CENPP: variants seen among roughly 807,000 people sequenced by gnomAD.
CENPP encodes the protein centromere protein P.
CENPP carries 24 observed loss-of-function variants against 35.6 expected under a neutral mutation model. That is an observed-to-expected ratio of 0.67 (90% CI 0.49 to 0.95). CENPP has a LOEUF of 0.95. Among genes scored for constraint, CENPP ranks in the 40% least tolerant of loss-of-function variants. The probability of loss-of-function intolerance (pLI) is 0.00; values close to 1 mark genes in which losing one functional copy is unlikely to be tolerated. For synonymous variants in CENPP, 120 were observed against 125.5 expected (o/e 0.96, Z 0.29); for missense variants, 332 against 345.3 (o/e 0.96, Z 0.31).
chr9:92,509,348 C>T (rs1847199196), intron 5 of CENPP, among the ~76,000 whole-genome samples: 1 of 152,202 alleles, frequency 6.6e-6, no homozygotes, highest in African/African-American at 2.4e-5. Flanking sequence ...ATCTCAGCCG[C>T]ATATGCAGTG....
chr9:92,452,996 CTT>C (rs1370852456), intron 5 of CENPP, among the ~76,000 whole-genome samples: 1 of 152,062 alleles, frequency 6.6e-6, no homozygotes, highest in Admixed American at 6.5e-5. Context: ...CTCTTTTCTT[CTT>C]TATTAGTCTT....
chr9:92,457,125 A>G (rs1844904124), intron 5 of CENPP: 1 of 1,407,542 alleles, frequency 7.1e-7, no homozygotes, highest in Non-Finnish European at 9.2e-7. Flanking sequence ...GTTTGGCAAA[A>G]TTCCGTTGAA....
At chr9:92,567,373 G>GATATATATATATATATATAGATAT (rs1554688240) in intron 5 of CENPP, among the ~76,000 whole-genome samples, 2 of 129,088 alleles carry the variant, frequency 1.5e-5, no homozygotes, top group South Asian at 5.5e-4. Flanking sequence ...ACATAAGATA[G>GATATATATATATATATATAGATAT]ATATATATAT....
At chr9:92,598,640 T>A (rs7870111) in intron 5 of CENPP, among the ~76,000 whole-genome samples, 5,514 of 152,176 alleles carry the variant, frequency 0.036, 141 homozygotes, top group Middle Eastern at 0.075. Context: ...CGGAACACAC[T>A]GTTTCCTGTC....
intron 5 of CENPP, among the ~76,000 whole-genome samples, chr9:92,596,555 A>G (rs1309794155): frequency 1.3e-5 from 2 of 151,998 alleles, no homozygotes; most frequent in Non-Finnish European, 2.9e-5. Context: ...AACGAGAGAA[A>G]GCCTTGAGGA....
Position 92,618,669 on chromosome 9 carries a change from A to C in CENPP, c.*5520A>C. 1 of 419,496 alleles carries C rather than the reference A, an allele frequency of 2.4e-6. No homozygotes were observed. Among genetic ancestry groups the C allele is most frequent in the Non-Finnish European group, 4.8e-6 (1 of 207,318 alleles). The allele number at this position is 419,496 out of a possible 1,614,324, so 26.0% of individuals were successfully genotyped here. On this transcript the variant is annotated 3_prime_UTR_variant, in exon 8 of 8. Transcript: ENST00000375587. ...ACAGGAGTTTTCAACTAAATAGAAC[A>C]ACCTTTTTTCTACTTCAGTTAGCCC...
chr9:92,549,982 T>TGAAGTCGCAGGTAACTAAAACA (rs1563999246), intron 5 of CENPP, among the ~76,000 whole-genome samples: 1 of 152,178 alleles, frequency 6.6e-6, no homozygotes, highest in African/African-American at 2.4e-5. Flanking sequence ...AGCCTTCCCT[T>TGAAGTCGCAGGTAACTAAAACA]GAAGTCGCAG....
intron 5 of CENPP, chr9:92,383,854 T>G (rs1321761739): frequency 6.6e-6 from 1 of 152,172 alleles, no homozygotes; most frequent in East Asian, 1.9e-4. Flanking sequence ...CTCCATAAGT[T>G]TTATCATAAA....
chr9:92,465,453 G>A (rs1270717791), intron 5 of CENPP, among the ~76,000 whole-genome samples: 1 of 152,104 alleles, frequency 6.6e-6, no homozygotes, highest in African/African-American at 2.4e-5. Context: ...TTGTTGTTTT[G>A]TTAGCAGAAA....
At chr9:92,568,241 C>T (rs575143281) in intron 5 of CENPP, among the ~76,000 whole-genome samples, 4 of 149,422 alleles carry the variant, frequency 2.7e-5, no homozygotes, top group African/African-American at 1.0e-4. Context: ...CCCCTTCCCC[C>T]CACCGCACAA....
rs775816785 is a variant in CENPP, at chr9:92,618,947, C to A, written c.*5798C>A. 1.8e-5 allele frequency: 5 copies of A among 278,506 alleles called. No homozygotes were observed. Among genetic ancestry groups the A allele is most frequent in the Non-Finnish European group, 2.8e-5 (4 of 143,274 alleles). The allele number at this position is 278,506 out of a possible 1,614,324, so 17.3% of individuals were successfully genotyped here. On this transcript the variant is annotated 3_prime_UTR_variant, in exon 8 of 8. Coordinates refer to ENST00000375587, the MANE Select transcript of CENPP (RefSeq NM_001012267.3). Reference sequence around the variant, plus strand: ...CTAACGACTATGAGATTATCAGTTTCATCCCGAATTCCCAGAAACAGAGGG... The same window carrying A: ...CTAACGACTATGAGATTATCAGTTTAATCCCGAATTCCCAGAAACAGAGGG...
At chr9:92,371,046 C>T (rs1841994088) in intron 4 of CENPP, among the ~76,000 whole-genome samples, 1 of 151,976 alleles carries the variant, frequency 6.6e-6, no homozygotes, top group African/African-American at 2.4e-5. Context: ...TTCAAATAAC[C>T]AACGTTTTGT....
chr9:92,414,788 G>A (rs1432355939), intron 5 of CENPP: 2 of 232,110 alleles, frequency 8.6e-6, no homozygotes, highest in Non-Finnish European at 1.7e-5. Flanking sequence ...CATGGCCTGT[G>A]GGTCTTTACT....
chr9:92,415,571 T>C, intron 5 of CENPP: 1 of 506,340 alleles, frequency 2.0e-6, no homozygotes, highest in Non-Finnish European at 3.1e-6. Context: ...GTATGGGATA[T>C]AATTCTGTTA....
At chr9:92,371,952 A>G (rs1389010646) in intron 4 of CENPP, among the ~76,000 whole-genome samples, 1 of 125,016 alleles carries the variant, frequency 8.0e-6, no homozygotes, top group African/African-American at 3.1e-5. Flanking sequence ...TGCAAGCTTC[A>G]CCTCCCGGGG....
chr9:92,532,023 T>TG (rs1563990249), intron 5 of CENPP, among the ~76,000 whole-genome samples: 1 of 128,668 alleles, frequency 7.8e-6, no homozygotes, highest in Non-Finnish European at 1.6e-5. Context: ...ATGTTTTTTT[T>TG]TTTTTATTTT....
chr9:92,460,180 G>A (rs906548294), intron 5 of CENPP, among the ~76,000 whole-genome samples: 5 of 150,986 alleles, frequency 3.3e-5, no homozygotes, highest in African/African-American at 7.3e-5. Context: ...GATTACAGGC[G>A]CCCTCCACCA....
intron 5 of CENPP, chr9:92,495,367 G>T (rs558144196): frequency 2.4e-5 from 23 of 973,526 alleles, no homozygotes; most frequent in African/African-American, 1.2e-4. Context: ...ACATAGTAAA[G>T]ACATAGCTTT....
chr9:92,569,755 T>C (rs1052621814), intron 5 of CENPP, among the ~76,000 whole-genome samples: 5 of 152,212 alleles, frequency 3.3e-5, no homozygotes, highest in Non-Finnish European at 7.3e-5. Context: ...TTTTATTTCG[T>C]TGAGCAGTGG....
Sources: gnomAD v4.1 joint callset for allele counts (sites outside exome capture counted in the v4.1 genomes callset) on GRCh38, gnomAD v4.1.1 for gene constraint, MANE v1.5 for transcripts, NCBI Gene and HGNC (gene_info 2026-07-23, HGNC 2026-07-21) for gene names.